The following TIMM23B variants were observed in gnomAD, a reference collection of about 807,000 sequenced individuals.
TIMM23B encodes the protein translocase of inner mitochondrial membrane 23 homolog B.
TIMM23B carries 27 observed loss-of-function variants against 27.3 expected under a neutral mutation model. That is an observed-to-expected ratio of 0.99 (90% CI 0.73 to 1.36). TIMM23B has a LOEUF of 1.36. TIMM23B is among the 40% of genes most tolerant of loss of function. The pLI is 0.00. For missense variants in TIMM23B, 205 were observed against 244.2 expected (o/e 0.84, Z 1.07); for synonymous variants, 73 against 92.4 (o/e 0.79, Z 1.21).
intron 6 of TIMM23B, among the ~76,000 whole-genome samples, chr10:49,969,671 G>A (rs1193773545): frequency 1.3e-5 from 2 of 151,890 alleles, no homozygotes; most frequent in Non-Finnish European, 2.9e-5. Context: ...TCCAGCCTAG[G>A]TGACCCTGTC....
intron 6 of TIMM23B, among the ~76,000 whole-genome samples, chr10:49,971,005 A>T (rs1840419189): frequency 6.6e-6 from 1 of 152,196 alleles, no homozygotes; most frequent in Admixed American, 6.5e-5. Context: ...CTGCCTTGGG[A>T]TGCTGTTGAT....
chr10:49,949,008 C>G (rs1240220198), intron 2 of TIMM23B, among the ~76,000 whole-genome samples: 3 of 152,146 alleles, frequency 2.0e-5, no homozygotes, highest in African/African-American at 7.2e-5. Context: ...CTGCCTCATC[C>G]TCCTAGATAG....
chr10:49,956,523 A>G (rs1839732373), intron 5 of TIMM23B, among the ~76,000 whole-genome samples: 1 of 144,128 alleles, frequency 6.9e-6, no homozygotes, highest in Admixed American at 7.1e-5. Flanking sequence ...ATAAATGAAA[A>G]TTTTAAATAT....
chr10:49,968,411 G>A (rs1840264000), intron 6 of TIMM23B, among the ~76,000 whole-genome samples: 1 of 152,188 alleles, frequency 6.6e-6, no homozygotes, highest in Non-Finnish European at 1.5e-5. Flanking sequence ...TATTTGTGGT[G>A]GATGAATTAC....
intron 4 of TIMM23B, among the ~76,000 whole-genome samples, chr10:49,954,625 G>A (rs1381485616): frequency 3.3e-5 from 5 of 151,678 alleles, no homozygotes; most frequent in African/African-American, 1.2e-4. Context: ...TTTTTACATG[G>A]ATTAGTTTCT....
At chr10:49,961,483 A>G (rs1839904626) in intron 6 of TIMM23B, among the ~76,000 whole-genome samples, 1 of 151,946 alleles carries the variant, frequency 6.6e-6, no homozygotes, top group Admixed American at 6.6e-5. Flanking sequence ...TATATTGTGG[A>G]AGCAATATAT....
intron 6 of TIMM23B, among the ~76,000 whole-genome samples, chr10:49,971,212 C>T (rs1840430233): frequency 6.6e-6 from 1 of 151,868 alleles, no homozygotes; most frequent in Admixed American, 6.6e-5. Flanking sequence ...GGGTCCTCTG[C>T]CTAGGAAAAC....
intron 1 of TIMM23B, among the ~76,000 whole-genome samples, chr10:49,942,834 A>G (rs1390770408): frequency 6.6e-6 from 1 of 152,214 alleles, no homozygotes; most frequent in East Asian, 1.9e-4. Flanking sequence ...AGACATGAAG[A>G]AAGAAGCCAG....
Position 49,958,475 on chromosome 10 carries a change from G to A in TIMM23B, c.509G>A (p.Cys170Tyr). Residue 170 changes from cysteine to tyrosine, a missense_variant, in exon 6 of 7, where the codon TGT becomes TAT. Cys to Tyr is a radical substitution (Grantham distance 194). Coordinates refer to ENST00000651259, the MANE Select transcript of TIMM23B (RefSeq NM_001290117.2). ...AGTMTGMLYK[C>Y]TVSEMALDSP... ...ACCATGACAGGCATGTTGTATAAAT[G>A]TACAGGTGAGTACTGTTGAATGGGG... 6.2e-7 allele frequency: 1 copy of A among 1,610,198 alleles called. No homozygotes were observed. The highest frequency in any genetic ancestry group is 8.5e-7 in the Non-Finnish European group (1 of 1,176,670).
At chr10:49,955,636 A>T (rs1839691371) in intron 5 of TIMM23B, among the ~76,000 whole-genome samples, 1 of 152,218 alleles carries the variant, frequency 6.6e-6, no homozygotes, top group Admixed American at 6.5e-5. Flanking sequence ...GATCACTTAC[A>T]ATAGATCTCT....
chr10:49,943,746 T>C (rs1223386491), intron 1 of TIMM23B, among the ~76,000 whole-genome samples: 2 of 149,396 alleles, frequency 1.3e-5, no homozygotes, highest in African/African-American at 2.5e-5. Context: ...GGTTTTTTTT[T>C]TTTTTTTTTT....
At chr10:49,954,923 A>G (rs1839664802) in intron 4 of TIMM23B, 79 bp from the exon 5 acceptor site, 1 of 1,571,936 alleles carries the variant, frequency 6.4e-7, no homozygotes, top group African/African-American at 1.4e-5. Flanking sequence ...AGACATGTTA[A>G]ATAGCCATTA....
At chr10:49,971,153 G>C (rs1263265044) in intron 6 of TIMM23B, among the ~76,000 whole-genome samples, 2 of 151,868 alleles carry the variant, frequency 1.3e-5, no homozygotes, top group Non-Finnish European at 2.9e-5. Context: ...AGTCATCACC[G>C]CTCCCTAATC....
In TIMM23B at chr10:49,945,051, G is replaced by A. The variant is rs1839312859; in HGVS notation, c.126G>A (p.Leu42=). ...AGVPLTGMNP[L]CPYLNVDPRY... is the part of the protein sequence containing the mutation. ...CTCTAGTAACTGGTATGAACCCTCT[G>A]TGTCCTTATTTAAATGTGGATCCAC... The change falls in exon 2 of 7, where the codon CTG becomes CTA. Residue 42 remains leucine (L), a synonymous_variant. Coordinates refer to ENST00000651259, the MANE Select transcript of TIMM23B (RefSeq NM_001290117.2). 1 of 1,598,968 alleles carries A rather than the reference G, an allele frequency of 6.3e-7. No individual in the cohort carries two copies. The highest frequency in any genetic ancestry group is 1.7e-5 in the Admixed American group (1 of 59,240).
In TIMM23B at chr10:49,961,716, C is replaced by T. The variant is rs1400918860; in HGVS notation, c.514+3236C>T. 3.4e-3 allele frequency among the ~76,000 whole-genome samples: 517 copies of T among 151,942 alleles called. 4 individuals are homozygous for T. The highest frequency in any genetic ancestry group is 0.012 in the African/African-American group (479 of 41,414). Reference sequence around the variant, plus strand: ...CTGGGCTCAAAGGATCCTCTCACCTCAGCCTGCCCAGTGGTTCAGACTACA... The same window carrying T: ...CTGGGCTCAAAGGATCCTCTCACCTTAGCCTGCCCAGTGGTTCAGACTACA... On this transcript the variant is annotated intron_variant, in intron 6 of 6. Transcript: ENST00000651259.
chr10:49,957,067 C>T (rs1839748238), intron 5 of TIMM23B, among the ~76,000 whole-genome samples: 1 of 150,796 alleles, frequency 6.6e-6, no homozygotes, highest in African/African-American at 2.4e-5. Flanking sequence ...CTCTGTCCCA[C>T]AAAACTGAGC....
At chr10:49,952,576 T>C (rs1298737421) in intron 4 of TIMM23B, 43 bp downstream of exon 4, 11 of 1,608,686 alleles carry the variant, frequency 6.8e-6, no homozygotes, top group East Asian at 2.2e-5. Context: ...ACTTGAATAT[T>C]AAGCTCTGTT....
At chr10:49,968,395 A>G (rs1174965904) in intron 6 of TIMM23B, among the ~76,000 whole-genome samples, 2 of 152,272 alleles carry the variant, frequency 1.3e-5, no homozygotes, top group African/African-American at 2.4e-5. Context: ...TCAAAATGCT[A>G]CGTGATATTT....
chr10:49,957,724 G>A (rs1224870655), intron 5 of TIMM23B, among the ~76,000 whole-genome samples: 17 of 152,322 alleles, frequency 1.1e-4, no homozygotes, highest in African/African-American at 4.1e-4. Flanking sequence ...CATGAGTTGA[G>A]CTGTCCAGAA....
Sources: allele counts gnomAD v4.1 joint callset (sites outside exome capture counted in the v4.1 genomes callset), GRCh38; gene constraint gnomAD v4.1.1; transcripts MANE v1.5; gene names NCBI Gene and HGNC (gene_info 2026-07-23, HGNC 2026-07-21).